The following FERRY3 variants were observed in gnomAD, a reference collection of about 807,000 sequenced individuals.
The protein encoded by FERRY3 is FERRY endosomal RAB5 effector complex subunit 3.
the FERRY3 span, among the ~76,000 whole-genome samples, chr12:4,531,442 G>T: frequency 6.6e-6 from 1 of 152,296 alleles, no homozygotes; most frequent in Non-Finnish European, 1.5e-5. Flanking sequence ...ACAAAAATCT[G>T]CAGCATTAAT....
chr12:4,493,494 T>C, the FERRY3 span, among the ~76,000 whole-genome samples: 1 of 152,226 alleles, frequency 6.6e-6, no homozygotes, highest in South Asian at 2.1e-4. Context: ...CACTTTGTTT[T>C]AAGATTGATT....
chr12:4,534,335 A>G, the FERRY3 span: 1 of 1,564,812 alleles, frequency 6.4e-7, no homozygotes, highest in South Asian at 1.2e-5. Flanking sequence ...CATCGTCAGC[A>G]AAATCCAGGT....
At chr12:4,531,895 C>A in the FERRY3 span, among the ~76,000 whole-genome samples, 1 of 152,062 alleles carries the variant, frequency 6.6e-6, no homozygotes, top group Non-Finnish European at 1.5e-5. Flanking sequence ...CTTACTTTCC[C>A]GAACTCTACA....
At chr12:4,513,620 C>T in the FERRY3 span, among the ~76,000 whole-genome samples, 2 of 152,084 alleles carry the variant, frequency 1.3e-5, no homozygotes, top group Non-Finnish European at 2.9e-5. Context: ...CTTTGACAAA[C>T]CTGAGAAAAA....
At chr12:4,497,571 T>G in the FERRY3 span, among the ~76,000 whole-genome samples, 1 of 152,112 alleles carries the variant, frequency 6.6e-6, no homozygotes, top group Non-Finnish European at 1.5e-5. Flanking sequence ...ACTAAATAAT[T>G]TGGTAAGCCC....
chr12:4,500,456 C>T, the FERRY3 span: 1 of 843,970 alleles, frequency 1.2e-6, no homozygotes, highest in Admixed American at 2.3e-5. Flanking sequence ...AGGGGTGTAT[C>T]CCAAACATTT....
the FERRY3 span, among the ~76,000 whole-genome samples, chr12:4,511,356 G>T: frequency 9.2e-5 from 14 of 151,852 alleles, no homozygotes; most frequent in African/African-American, 3.2e-4. Context: ...ACAAGGATAC[G>T]CAGGAACTGA....
the FERRY3 span, among the ~76,000 whole-genome samples, chr12:4,505,917 TC>T: frequency 0.017 from 2,514 of 152,254 alleles, 76 homozygotes; most frequent in African/African-American, 0.056. Flanking sequence ...TTCACCCCAT[TC>T]CTAAAATTTA....
the FERRY3 span, among the ~76,000 whole-genome samples, chr12:4,527,670 T>C: frequency 6.6e-6 from 1 of 152,184 alleles, no homozygotes; most frequent in Non-Finnish European, 1.5e-5. Context: ...CCTTAAGTCA[T>C]ACTGTTCACC....
chr12:4,533,988 TG>T, the FERRY3 span: 5 of 585,332 alleles, frequency 8.5e-6, no homozygotes, highest in Non-Finnish European at 1.3e-5. Context: ...TTTTGTCTTA[TG>T]TGCTCACCCT....
the FERRY3 span, chr12:4,525,668 A>G: frequency 1.0e-6 from 1 of 963,548 alleles, no homozygotes; most frequent in African/African-American, 1.7e-5. Flanking sequence ...ATCTCTATAA[A>G]GTGAAAATAA....
the FERRY3 span, among the ~76,000 whole-genome samples, chr12:4,515,022 T>C: frequency 6.6e-6 from 1 of 152,180 alleles, no homozygotes; most frequent in Admixed American, 6.5e-5. Flanking sequence ...ATGGCACATG[T>C]ATACATATGT....
the FERRY3 span, among the ~76,000 whole-genome samples, chr12:4,533,057 C>T: frequency 3.9e-5 from 6 of 152,222 alleles, no homozygotes; most frequent in Non-Finnish European, 8.8e-5. Flanking sequence ...TTTATACCTA[C>T]TGCCTCATCT....
At chr12:4,532,252 T>C in the FERRY3 span, among the ~76,000 whole-genome samples, 1 of 152,058 alleles carries the variant, frequency 6.6e-6, no homozygotes, top group Admixed American at 6.6e-5. Context: ...ACCAGACACC[T>C]GCAAGATAGC....
chr12:4,517,741 A>AGAGAGAG, the FERRY3 span, among the ~76,000 whole-genome samples: 1 of 149,598 alleles, frequency 6.7e-6, no homozygotes, highest in African/African-American at 2.5e-5. Context: ...AGAGAGAGAC[A>AGAGAGAG]AATGGATGAG....
the FERRY3 span, among the ~76,000 whole-genome samples, chr12:4,503,883 T>A: frequency 6.6e-6 from 1 of 152,148 alleles, no homozygotes; most frequent in South Asian, 2.1e-4. Flanking sequence ...AAAACAGATA[T>A]TAGTTCTTCC....
the FERRY3 span, chr12:4,505,465 A>G: frequency 3.0e-5 from 28 of 931,776 alleles, no homozygotes; most frequent in African/African-American, 2.2e-4. Context: ...AATCACAACA[A>G]CAGCAAAAAT....
chr12:4,513,412 C>A, the FERRY3 span, among the ~76,000 whole-genome samples: 1 of 151,454 alleles, frequency 6.6e-6, no homozygotes, highest in Non-Finnish European at 1.5e-5. Context: ...TCATATGGAA[C>A]CAAAAAAGAG....
the FERRY3 span, chr12:4,500,411 G>T: frequency 7.2e-7 from 1 of 1,380,652 alleles, no homozygotes; most frequent in Non-Finnish European, 1.0e-6. Flanking sequence ...GGCTTTATAA[G>T]TAAGTGTAAT....
Sources: allele counts gnomAD v4.1 joint callset (sites outside exome capture counted in the v4.1 genomes callset), GRCh38; gene constraint gnomAD v4.1.1; transcripts MANE v1.5; gene names NCBI Gene and HGNC (gene_info 2026-07-23, HGNC 2026-07-21).